CLUL1: variants seen among roughly 807,000 people sequenced by gnomAD.
The protein encoded by CLUL1 is clusterin like 1, also known as clusterin-like protein 1.
A neutral mutation model predicts 49.4 loss-of-function variants in CLUL1; 43 were observed. That is an observed-to-expected ratio of 0.87 (90% confidence interval 0.68 to 1.12). The LOEUF is 1.12. Ranked by LOEUF, CLUL1 falls within the 50% of genes most tolerant of loss-of-function variation. The pLI, the probability that CLUL1 is intolerant of heterozygous loss-of-function variation, is 0.00. For synonymous variants in CLUL1, 192 were observed against 184.9 expected (o/e 1.04, Z -0.31); for missense variants, 486 against 544.4 (o/e 0.89, Z 1.07).
chr18:631,551 G>A (rs1382520320), intron 6 of CLUL1, among the ~76,000 whole-genome samples: 1 of 152,188 alleles, frequency 6.6e-6, no homozygotes, highest in African/African-American at 2.4e-5. Flanking sequence ...GCGAGGTGAT[G>A]GATTGTGCTG....
rs765100480 is a variant in CLUL1, at chr18:641,387, T to C, written c.1055T>C (p.Val352Ala). 6.2e-6 allele frequency: 10 copies of C among 1,614,114 alleles called. No individual in the cohort carries two copies. In the South Asian group the frequency reaches 6.6e-5, roughly 11 times the overall value. Reference protein sequence around the residue: ...ELDEAIRLVNVSNQQYGQILQ... With the variant: ...ELDEAIRLVNASNQQYGQILQ... ...GACGAGGCGATCAGGTTGGTCAATG[T>C]ATCCAATCAGCAGTATGGCCAGATT... The change falls in exon 8 of 10, where the codon GTA becomes GCA. Residue 352 changes from valine (V) to alanine (A), a missense_variant. Val to Ala is a moderately conservative substitution (Grantham distance 64, BLOSUM62 0). Coordinates refer to ENST00000692774, the MANE Select transcript of CLUL1 (RefSeq NM_001393344.1).
intron 2 of CLUL1, among the ~76,000 whole-genome samples, chr18:613,647 G>C (rs998531618): frequency 2.4e-4 from 33 of 134,726 alleles, no homozygotes; most frequent in Middle Eastern, 0.01. Context: ...TAGAGATGGG[G>C]TTTCACCATG....
At chr18:613,945 G>C (rs1379564691) in intron 2 of CLUL1, among the ~76,000 whole-genome samples, 1 of 152,166 alleles carries the variant, frequency 6.6e-6, no homozygotes, top group Non-Finnish European at 1.5e-5. Flanking sequence ...CTATGTACGA[G>C]AGCTTGGTGA....
Position 618,029 on chromosome 18 carries a change from T to C in CLUL1, c.29T>C (p.Val10Ala), listed in dbSNP as rs760235295. 6.2e-7 allele frequency: 1 copy of C among 1,614,180 alleles called. No individual in the cohort carries two copies. Among genetic ancestry groups the C allele is most frequent in the East Asian group, 2.2e-5 (1 of 44,890 alleles). MKPPLLVFI[V>A]CLLWLKDSHC... ...AAGCCGCCACTCTTGGTGTTTATTGTGTGTCTGCTGTGGTTGAAAGACAGT... is the reference window on the plus strand; with the variant it reads ...AAGCCGCCACTCTTGGTGTTTATTGCGTGTCTGCTGTGGTTGAAAGACAGT... Residue 10 changes from valine to alanine, a missense_variant, in exon 3 of 10, where the codon GTG becomes GCG. Physicochemically the swap from Val to Ala is moderately conservative, Grantham distance 64. Transcript: ENST00000692774. The surrounding 1 kb of genome is among the most constrained non-coding windows in gnomAD (Gnocchi z 4.2).
chr18:617,934 A>G, intron 2 of CLUL1, 54 bp from the exon 3 acceptor site: 3 of 1,497,718 alleles, frequency 2.0e-6, no homozygotes, highest in Non-Finnish European at 1.8e-6. Flanking sequence ...ATTGATGCCA[A>G]CAGAAACTAA....
chr18:641,560 A>T lies in CLUL1; in HGVS notation c.1209+19A>T, dbSNP rs757026958. ...AATACAGGTAAAGGAGAGACCCAAG[A>T]GCAGATACGGAAATGACACGTGCAT... On this transcript the variant is annotated intron_variant, in intron 8 of 9. Coordinates refer to ENST00000692774, the MANE Select transcript of CLUL1 (RefSeq NM_001393344.1). 2 of 1,599,464 alleles carry T rather than the reference A, an allele frequency of 1.3e-6. No homozygotes were observed. The highest frequency in any genetic ancestry group is 1.3e-5 in the African/African-American group (1 of 74,696).
chr18:641,583 C>A, intron 8 of CLUL1, 42 bp downstream of exon 8: 1 of 1,475,660 alleles, frequency 6.8e-7, no homozygotes, highest in South Asian at 1.1e-5. Context: ...ATGACACGTG[C>A]ATACCTTGAT....
chr18:640,134 G>A (rs2074297520), intron 7 of CLUL1, among the ~76,000 whole-genome samples: 1 of 152,080 alleles, frequency 6.6e-6, no homozygotes, highest in Non-Finnish European at 1.5e-5. Flanking sequence ...AGCCAACAAA[G>A]GATCTCTTCC....
chr18:617,937 G>A (rs977823817), intron 2 of CLUL1, 51 bp from the exon 3 acceptor site: 58 of 1,513,404 alleles, frequency 3.8e-5, no homozygotes, highest in Non-Finnish European at 4.9e-5. Flanking sequence ...GATGCCAACA[G>A]AAACTAACCA....
At chr18:628,209 G>T (rs962049531) in intron 6 of CLUL1, among the ~76,000 whole-genome samples, 3 of 152,162 alleles carry the variant, frequency 2.0e-5, no homozygotes, top group Non-Finnish European at 4.4e-5. Context: ...AATTGATCTG[G>T]AATCCTCAAC....
intron 4 of CLUL1, among the ~76,000 whole-genome samples, chr18:620,387 T>C (rs2073453630): frequency 6.6e-6 from 1 of 152,100 alleles, no homozygotes; most frequent in African/African-American, 2.4e-5. Context: ...TCAAGAATCT[T>C]GTTAAGCCTC....
rs1435804531 is a variant in CLUL1, at chr18:618,759, G to A, written c.107-454G>A. On this transcript the variant is annotated intron_variant, in intron 3 of 9. Transcript: ENST00000692774. This position sits in a 1 kb window ranked among gnomAD's most constrained non-coding sequence, Gnocchi z 4.2. ...GTCCATTGAGTTATTAAGGAAGCTC[G>A]TATTACATGGGATACTTTCTAGGTC... Among the ~76,000 whole-genome samples the A allele has an allele frequency of 3.9e-5, 6 of 152,230 alleles. No homozygotes were observed. In the East Asian group the frequency reaches 5.8e-4, roughly 15 times the overall value.
chr18:649,845 G>A (rs1381844210), intron 9 of CLUL1, 53 bp from the exon 10 acceptor site: 11 of 1,129,864 alleles, frequency 9.7e-6, no homozygotes, highest in Non-Finnish European at 1.4e-5. Flanking sequence ...CACTGAGTCT[G>A]TGAGTAATTT....
At chr18:608,004 T>C (rs1419922625) in intron 2 of CLUL1, among the ~76,000 whole-genome samples, 1 of 152,206 alleles carries the variant, frequency 6.6e-6, no homozygotes, top group Non-Finnish European at 1.5e-5. Context: ...CAGTCATCAG[T>C]TGCACAGTGC....
intron 7 of CLUL1, among the ~76,000 whole-genome samples, chr18:635,224 C>G (rs557511245): frequency 6.6e-6 from 1 of 152,240 alleles, no homozygotes; most frequent in East Asian, 1.9e-4. Context: ...GACAATTTTT[C>G]CAAAGATGGT....
At chr18:625,123 G>A in intron 5 of CLUL1, 91 bp downstream of exon 5, 1 of 1,302,230 alleles carries the variant, frequency 7.7e-7, no homozygotes, top group Non-Finnish European at 1.1e-6. Context: ...ATTTAGAACG[G>A]AGATGCCTGA....
rs77384841 is a variant in CLUL1, at chr18:640,886, A to C, written c.995-441A>C. Among the ~76,000 whole-genome samples, 93 of 152,262 alleles carry C rather than the reference A, an allele frequency of 6.1e-4. No homozygotes were observed. The East Asian group carries it at 0.017, about 28-fold the overall frequency. ...ACTATACACTTTTGGTCTTAATTTA[A>C]AGCGGCTTCACTATATGTGGTTCTT... On this transcript the variant is annotated intron_variant, in intron 7 of 9. Transcript: ENST00000692774.
intron 6 of CLUL1, among the ~76,000 whole-genome samples, chr18:630,332 C>A (rs1347685690): frequency 6.6e-6 from 1 of 152,144 alleles, no homozygotes; most frequent in Non-Finnish European, 1.5e-5. Context: ...TGGTCTCGAA[C>A]TTCTGACCTC....
chr18:608,627 A>T (rs1205029332), intron 2 of CLUL1, among the ~76,000 whole-genome samples: 1 of 152,118 alleles, frequency 6.6e-6, no homozygotes, highest in South Asian at 2.1e-4. Flanking sequence ...CTGAGGTGGG[A>T]GGATCACTTG....
Sources: gnomAD v4.1 joint callset for allele counts (sites outside exome capture counted in the v4.1 genomes callset) on GRCh38, gnomAD v4.1.1 for gene constraint, Gnocchi (gnomAD v3.1) non-coding constraint, MANE v1.5 for transcripts, NCBI Gene and HGNC (gene_info 2026-07-23, HGNC 2026-07-21) for gene names.